Variants in ZNF407 observed in about 807,000 individuals in gnomAD.
ZNF407 encodes zinc finger protein 407.
A neutral mutation model predicts 131.2 loss-of-function variants in ZNF407; 17 were observed. The ratio of observed to expected loss-of-function variants is 0.13; its 90% CI spans 0.09 to 0.19. The LOEUF (loss-of-function observed/expected upper bound fraction) is 0.19. Ranked by LOEUF, ZNF407 falls within the 10% of genes least tolerant of loss-of-function variation. The pLI is 1.00. For missense variants in ZNF407, 2,681 were observed against 2,830.6 expected, an observed-to-expected ratio of 0.95 and a Z score of 1.20; for synonymous variants, 1,156 against 1,062.0, an observed-to-expected ratio of 1.09 and a Z score of -1.72.
chr18:75,036,300 A>G (rs1286317051), intron 8 of ZNF407, among the ~76,000 whole-genome samples: 1 of 152,074 alleles, frequency 6.6e-6, no homozygotes, highest in East Asian at 1.9e-4. Context: ...AAATAAAACG[A>G]TGTTCACAGG....
At chr18:74,651,562 C>T (rs1300248043) in intron 3 of ZNF407, among the ~76,000 whole-genome samples, 7 of 151,946 alleles carry the variant, frequency 4.6e-5, no homozygotes, top group Admixed American at 4.6e-4. Flanking sequence ...CAGTCATCGA[C>T]AGAGAATATT....
chr18:74,627,043 ACTTT>A (rs1230031511), intron 1 of ZNF407, among the ~76,000 whole-genome samples: 1 of 151,994 alleles, frequency 6.6e-6, no homozygotes, highest in East Asian at 1.9e-4. Flanking sequence ...TGGCCTTCGT[ACTTT>A]CTTAGGCAGA....
chr18:74,996,558 C>T (rs954076935), intron 8 of ZNF407, among the ~76,000 whole-genome samples: 1 of 152,166 alleles, frequency 6.6e-6, no homozygotes, highest in African/African-American at 2.4e-5. Context: ...GTTATTCAAC[C>T]TTTGTGCACA....
chr18:74,859,594 A>G (rs999647), intron 4 of ZNF407, among the ~76,000 whole-genome samples: 70,399 of 152,118 alleles, frequency 0.46, 18,324 homozygotes, highest in Non-Finnish European at 0.58. Context: ...ATGAGAAAGT[A>G]TAGGATAGGT....
At chr18:74,681,878 A>G (rs1371330000) in intron 3 of ZNF407, among the ~76,000 whole-genome samples, 1 of 152,198 alleles carries the variant, frequency 6.6e-6, no homozygotes, top group Non-Finnish European at 1.5e-5. Flanking sequence ...CTCCAGAATC[A>G]TACCACTAGC....
chr18:74,798,124 G>T (rs1324946279), intron 4 of ZNF407, among the ~76,000 whole-genome samples: 1 of 151,512 alleles, frequency 6.6e-6, no homozygotes, highest in Non-Finnish European at 1.5e-5. Context: ...ATACAAACCA[G>T]TACATAAATT....
chr18:74,785,024 A>ATATC (rs1183346936), intron 4 of ZNF407, among the ~76,000 whole-genome samples: 2 of 152,246 alleles, frequency 1.3e-5, no homozygotes, highest in Non-Finnish European at 2.9e-5. Flanking sequence ...CTGTCAGGAC[A>ATATC]TATCTGCACT....
chr18:74,911,622 C>T (rs1971672218), intron 7 of ZNF407, among the ~76,000 whole-genome samples: 4 of 152,040 alleles, frequency 2.6e-5, no homozygotes, highest in Admixed American at 2.6e-4. Flanking sequence ...AACAATTGGC[C>T]ACCGCACTCA....
intron 3 of ZNF407, among the ~76,000 whole-genome samples, chr18:74,650,778 T>A (rs931115124): frequency 6.6e-6 from 1 of 152,136 alleles, no homozygotes; most frequent in African/African-American, 2.4e-5. Context: ...TAGAAAAAAA[T>A]TTACTGGCTT....
intron 4 of ZNF407, among the ~76,000 whole-genome samples, chr18:74,848,769 G>A (rs941250231): frequency 2.0e-5 from 3 of 152,216 alleles, no homozygotes; most frequent in African/African-American, 7.2e-5. Flanking sequence ...GTGTTGCCCC[G>A]TTTCCACAGT....
intron 8 of ZNF407, among the ~76,000 whole-genome samples, chr18:75,049,930 A>G (rs1157121959): frequency 1.3e-5 from 2 of 152,210 alleles, no homozygotes; most frequent in East Asian, 1.9e-4. Flanking sequence ...GTATTGATGT[A>G]GCCACATCAG....
At position 75,014,562 on chromosome 18, in the gene ZNF407, T is replaced by G. The variant is rs190936784; in HGVS notation, c.5429-48588T>G. On this transcript the variant is annotated intron_variant, in intron 8 of 8. Transcript: ENST00000299687. ...GGGCTTTTCCTGTCAGATAAGTGGTTTTTCTAATCTTGTCACCCTCGTAAG... is the reference window on the plus strand; with the variant it reads ...GGGCTTTTCCTGTCAGATAAGTGGTGTTTCTAATCTTGTCACCCTCGTAAG... 6.0e-4 allele frequency among the ~76,000 whole-genome samples: 92 copies of G among 152,220 alleles called. 1 individual carries two copies. The highest frequency in any genetic ancestry group is 2.6e-3 in the Admixed American group (39 of 15,284).
At chr18:75,029,617 CTGGGTGTGCG>C (rs1057370215) in intron 8 of ZNF407, among the ~76,000 whole-genome samples, 11 of 150,310 alleles carry the variant, frequency 7.3e-5, no homozygotes, top group East Asian at 3.9e-4. Flanking sequence ...GTGTGTGTGC[CTGGGTGTGCG>C]TGGGTGTGCG....
At chr18:75,034,059 G>A (rs919244356) in intron 8 of ZNF407, among the ~76,000 whole-genome samples, 1 of 151,972 alleles carries the variant, frequency 6.6e-6, no homozygotes, top group African/African-American at 2.4e-5. Context: ...TTACTTTCTT[G>A]GAAACTATTT....
intron 3 of ZNF407, among the ~76,000 whole-genome samples, chr18:74,708,713 G>A (rs1220879499): frequency 3.3e-5 from 5 of 152,214 alleles, no homozygotes; most frequent in Admixed American, 3.3e-4. Context: ...TCCTTCCTTG[G>A]TGGGGTCTGC....
intron 8 of ZNF407, among the ~76,000 whole-genome samples, chr18:75,016,738 C>T (rs1375578814): frequency 1.3e-5 from 2 of 152,108 alleles, no homozygotes; most frequent in African/African-American, 4.8e-5. Flanking sequence ...CTTTTGTCAT[C>T]TATTTCTGAT....
At chr18:74,924,435 T>C (rs954052153) in intron 8 of ZNF407, among the ~76,000 whole-genome samples, 4 of 152,222 alleles carry the variant, frequency 2.6e-5, no homozygotes. Context: ...CTTCACAAAA[T>C]TGACATCAAA....
intron 8 of ZNF407, among the ~76,000 whole-genome samples, chr18:75,042,984 G>C (rs1568309824): frequency 6.6e-6 from 1 of 152,176 alleles, no homozygotes; most frequent in East Asian, 1.9e-4. Flanking sequence ...TGGGTGATTA[G>C]GAATCACCCT....
At chr18:74,753,567 G>C (rs1766869421) in intron 3 of ZNF407, among the ~76,000 whole-genome samples, 1 of 152,120 alleles carries the variant, frequency 6.6e-6, no homozygotes, top group Non-Finnish European at 1.5e-5. Flanking sequence ...TAGCATGAAG[G>C]GCTGTTGAAT....
Sources: allele counts gnomAD v4.1 joint callset (sites outside exome capture counted in the v4.1 genomes callset), GRCh38; gene constraint gnomAD v4.1.1; transcripts MANE v1.5; gene names NCBI Gene and HGNC (gene_info 2026-07-23, HGNC 2026-07-21).